Variants in ZDHHC2 observed in about 807,000 individuals in gnomAD.
The protein encoded by ZDHHC2 is zDHHC palmitoyltransferase 2, also known as palmitoyltransferase ZDHHC2.
ZDHHC2 carries 51 observed loss-of-function variants against 55.6 expected under a neutral mutation model. The observed-to-expected ratio is 0.92, with a 90% CI of 0.73 to 1.16. The LOEUF is 1.16. ZDHHC2 is among the 50% of genes most tolerant of loss of function. The pLI, the probability that ZDHHC2 is intolerant of heterozygous loss-of-function variation, is 0.00. For synonymous variants in ZDHHC2, 199 were observed against 152.9 expected (o/e 1.30, Z -2.22); for missense variants, 491 against 442.4 (o/e 1.11, Z -0.99).
At position 17,199,497 on chromosome 8, in the gene ZDHHC2, T is replaced by TCTTCGTCTTCGTCTTCG. The variant is rs1554465961; in HGVS notation, c.476+1084_476+1085insCTTCGTCTTCGTCTTCG. On this transcript the variant is annotated intron_variant, in intron 6 of 12. Coordinates refer to ENST00000262096, the MANE Select transcript of ZDHHC2 (RefSeq NM_016353.5). ...CTTCTTCTTCTTCTTCTTCTTCTTCTTCTTCTTCTTCTTCTTCGTCTTCGT... is the reference window on the plus strand; with the variant it reads ...CTTCTTCTTCTTCTTCTTCTTCTTCTCTTCGTCTTCGTCTTCGTCTTCTTCTTCTTCTTCGTCTTCGT... Among the ~76,000 whole-genome samples, 109 of 52,630 alleles carry TCTTCGTCTTCGTCTTCG rather than the reference T, an allele frequency of 2.1e-3. 1 individual carries two copies. The highest frequency in any genetic ancestry group is 6.2e-3 in the African/African-American group (94 of 15,080). 34.5% of individuals were successfully genotyped at this position (52,630 alleles called of 152,430 possible).
chr8:17,218,425 G>A (rs181831804), intron 12 of ZDHHC2, among the ~76,000 whole-genome samples: 4 of 152,068 alleles, frequency 2.6e-5, no homozygotes, highest in African/African-American at 9.6e-5. Context: ...ATCATCAGTT[G>A]CAATAACCAT....
intron 1 of ZDHHC2, among the ~76,000 whole-genome samples, chr8:17,181,705 T>A (rs1805441116): frequency 6.6e-6 from 1 of 152,192 alleles, no homozygotes; most frequent in African/African-American, 2.4e-5. Context: ...ATAGTTATTT[T>A]TAGAAGACCT....
At chr8:17,180,686 C>T (rs549950427) in intron 1 of ZDHHC2, among the ~76,000 whole-genome samples, 1 of 152,328 alleles carries the variant, frequency 6.6e-6, no homozygotes, top group South Asian at 2.1e-4. Flanking sequence ...CTGCAGCAAT[C>T]ACCCTCATTT....
intron 1 of ZDHHC2, among the ~76,000 whole-genome samples, chr8:17,167,033 G>T (rs552359367): frequency 6.6e-6 from 1 of 152,118 alleles, no homozygotes; most frequent in East Asian, 1.9e-4. Context: ...AGAAAATTTC[G>T]TGAGCGGTAA....
At chr8:17,163,119 C>T (rs544854691) in intron 1 of ZDHHC2, among the ~76,000 whole-genome samples, 6 of 152,270 alleles carry the variant, frequency 3.9e-5, no homozygotes, top group South Asian at 2.1e-4. Context: ...GAATCCACGG[C>T]GAGCCTGGAG....
intron 3 of ZDHHC2, among the ~76,000 whole-genome samples, chr8:17,188,774 T>C (rs926640826): frequency 3.3e-5 from 5 of 152,218 alleles, no homozygotes; most frequent in African/African-American, 1.2e-4. Context: ...TGACATCTAA[T>C]AGAAATTTCA....
intron 6 of ZDHHC2, among the ~76,000 whole-genome samples, chr8:17,203,809 CTTTTT>C (rs3041019): frequency 1.0e-4 from 13 of 130,142 alleles, no homozygotes; most frequent in East Asian, 2.2e-4. Flanking sequence ...TCTTTTTTTT[CTTTTT>C]TTTTTTTTTT....
chr8:17,181,012 C>T (rs1427793811), intron 1 of ZDHHC2, among the ~76,000 whole-genome samples: 1 of 152,168 alleles, frequency 6.6e-6, no homozygotes, highest in Non-Finnish European at 1.5e-5. Context: ...TTCTCCCTCT[C>T]TCCTCTCTTT....
intron 3 of ZDHHC2, among the ~76,000 whole-genome samples, chr8:17,192,706 T>A (rs1806096486): frequency 6.6e-6 from 1 of 152,252 alleles, no homozygotes; most frequent in Admixed American, 6.5e-5. Context: ...CCTACACCAA[T>A]GCTTTGGAGA....
chr8:17,192,222 A>G (rs1361398473), intron 3 of ZDHHC2, among the ~76,000 whole-genome samples: 1 of 152,044 alleles, frequency 6.6e-6, no homozygotes, highest in Non-Finnish European at 1.5e-5. Flanking sequence ...CTGGGCTCGA[A>G]TGGTCCTCCC....
chr8:17,163,779 G>C (rs1804470080), intron 1 of ZDHHC2, among the ~76,000 whole-genome samples: 1 of 151,988 alleles, frequency 6.6e-6, no homozygotes, highest in Non-Finnish European at 1.5e-5. Flanking sequence ...GCTGTCTGTT[G>C]GGAAAACAAT....
At chr8:17,168,163 C>G (rs1563140686) in intron 1 of ZDHHC2, among the ~76,000 whole-genome samples, 1 of 152,088 alleles carries the variant, frequency 6.6e-6, no homozygotes, top group African/African-American at 2.4e-5. Context: ...CATCTATTTC[C>G]TATTGACTGA....
intron 1 of ZDHHC2, among the ~76,000 whole-genome samples, chr8:17,164,344 G>T (rs1804499552): frequency 6.6e-6 from 1 of 152,114 alleles, no homozygotes. Flanking sequence ...CTTAATGGTA[G>T]TTCATTTTAG....
intron 3 of ZDHHC2, among the ~76,000 whole-genome samples, chr8:17,187,780 C>T (rs78475735): frequency 0.021 from 3,208 of 152,246 alleles, 52 homozygotes; most frequent in Non-Finnish European, 0.033. Context: ...TTTGATAACT[C>T]CCAAATCTGT....
At chr8:17,199,615 C>CTTCCTTTCTTCTTCCT (rs1563161719) in intron 6 of ZDHHC2, among the ~76,000 whole-genome samples, 3 of 50,704 alleles carry the variant, frequency 5.9e-5, no homozygotes, top group East Asian at 6.2e-4. Flanking sequence ...CTTTCTTCTT[C>CTTCCTTTCTTCTTCCT]TTCTTCTTCC....
At chr8:17,181,754 T>C (rs1055067761) in intron 1 of ZDHHC2, among the ~76,000 whole-genome samples, 2 of 152,194 alleles carry the variant, frequency 1.3e-5, no homozygotes, top group Non-Finnish European at 2.9e-5. Context: ...AGTTTTTGTA[T>C]TGTTATAAAT....
At chr8:17,185,644 A>G (rs918123034) in intron 2 of ZDHHC2, among the ~76,000 whole-genome samples, 1 of 152,200 alleles carries the variant, frequency 6.6e-6, no homozygotes, top group Non-Finnish European at 1.5e-5. Context: ...TGGGCGACAG[A>G]GTGAGACCCT....
intron 1 of ZDHHC2, among the ~76,000 whole-genome samples, chr8:17,172,843 C>A (rs1176914708): frequency 6.6e-6 from 1 of 152,152 alleles, no homozygotes; most frequent in Non-Finnish European, 1.5e-5. Flanking sequence ...TTTCTAGTAT[C>A]ACCATTTTAC....
At chr8:17,202,346 T>G (rs955126622) in intron 6 of ZDHHC2, among the ~76,000 whole-genome samples, 1 of 152,054 alleles carries the variant, frequency 6.6e-6, no homozygotes, top group South Asian at 2.1e-4. Flanking sequence ...GGGAAAAAAA[T>G]GAGTCTCAGA....
Sources: gnomAD v4.1 joint callset for allele counts (sites outside exome capture counted in the v4.1 genomes callset) on GRCh38, gnomAD v4.1.1 for gene constraint, MANE v1.5 for transcripts, NCBI Gene and HGNC (gene_info 2026-07-23, HGNC 2026-07-21) for gene names.